CYP4F22: variants seen among roughly 807,000 people sequenced by gnomAD.
CYP4F22 encodes ultra-long-chain fatty acid omega-hydroxylase.
CYP4F22 carries 37 observed loss-of-function variants against 60.4 expected under a neutral mutation model. The ratio of observed to expected loss-of-function variants is 0.61; its 90% CI spans 0.47 to 0.81. CYP4F22 has a LOEUF of 0.81. Among genes scored for constraint, CYP4F22 ranks in the 30% least tolerant of loss-of-function variants. The probability of loss-of-function intolerance (pLI) is 0.00; values close to 1 mark genes in which losing one functional copy is unlikely to be tolerated. For missense variants in CYP4F22, 655 were observed against 715.0 expected, an observed-to-expected ratio of 0.92 and a Z score of 0.96; for synonymous variants, 258 against 280.5, an observed-to-expected ratio of 0.92 and a Z score of 0.80.
chr19:15,509,961 T>C (rs1053464130), intron 1 of CYP4F22, among the ~76,000 whole-genome samples: 1 of 125,324 alleles, frequency 8.0e-6, no homozygotes, highest in Admixed American at 8.8e-5. Flanking sequence ...TCTGTCTCTC[T>C]CTCTTTCTTT....
At chr19:15,550,622 C>G in intron 12 of CYP4F22, 52 bp from the exon 13 acceptor site, 1 of 1,593,130 alleles carries the variant, frequency 6.3e-7, no homozygotes, top group Non-Finnish European at 8.6e-7. Context: ...GGGGGCCAGG[C>G]TGGGATGTCT....
intron 1 of CYP4F22, chr19:15,515,280 A>C: frequency 1.0e-6 from 1 of 967,150 alleles, no homozygotes; most frequent in South Asian, 1.3e-5. Context: ...TTTTCAAAGC[A>C]GTTTTAATAT....
intron 11 of CYP4F22, among the ~76,000 whole-genome samples, chr19:15,548,612 T>G (rs558341328): frequency 6.6e-6 from 1 of 151,982 alleles, no homozygotes; most frequent in South Asian, 2.1e-4. Flanking sequence ...TACAGCAGGG[T>G]GCAGACATTC....
Position 15,549,173 on chromosome 19 carries a change from C to G in CYP4F22, c.1306C>G (p.His436Asp), listed in dbSNP as rs118203936. 3 of 1,614,024 alleles carry G rather than the reference C, an allele frequency of 1.9e-6. No individual in the cohort carries two copies. Among genetic ancestry groups the G allele is most frequent in the Admixed American group, 1.7e-5 (1 of 59,992 alleles). The change falls in exon 12 of 14, where the codon CAC (histidine) becomes GAC (aspartate). Residue 436 changes from histidine to aspartate, a missense_variant. By Grantham distance (81) the His-to-Asp change is moderately conservative. Coordinates refer to ENST00000269703, the MANE Select transcript of CYP4F22 (RefSeq NM_173483.4). ...ICLVSIYGTHHNPTVWPDSKV... is the reference protein window; with the variant it reads ...ICLVSIYGTHDNPTVWPDSKV... ...CTTGGTCAGCATCTATGGAACCCAC[C>G]ACAACCCCACAGTGTGGCCTGACTC... is the stretch of plus-strand genomic sequence containing the variant.
chr19:15,516,777 C>T (rs878869761), intron 1 of CYP4F22: 1 of 580,618 alleles, frequency 1.7e-6, no homozygotes, highest in East Asian at 4.5e-5. Flanking sequence ...AGATAGTCCA[C>T]TTGCTCAGAG....
chr19:15,518,186 A>T (rs751518293), intron 1 of CYP4F22, among the ~76,000 whole-genome samples: 37 of 152,154 alleles, frequency 2.4e-4, no homozygotes, highest in Admixed American at 6.6e-4. Context: ...AGAATTTAAA[A>T]ATTAGCTGGG....
At chr19:15,546,581 C>A (rs569760047) in intron 10 of CYP4F22, among the ~76,000 whole-genome samples, 69 of 151,642 alleles carry the variant, frequency 4.6e-4, no homozygotes, top group South Asian at 1.0e-3. Flanking sequence ...AAGACGCCAT[C>A]AAAAAAGAAA....
intron 1 of CYP4F22, among the ~76,000 whole-genome samples, chr19:15,509,916 TCC>T (rs1971068061): frequency 1.4e-5 from 2 of 139,506 alleles, no homozygotes; most frequent in East Asian, 4.5e-4. Context: ...TTTCTTTCTT[TCC>T]TTCCTTCTTT....
chr19:15,552,089 A>AAGCCCCTTCCTTCCTCCCTTGCC lies in CYP4F22; in HGVS notation c.*619_*641dup, dbSNP rs1275811794. Reference sequence around the variant, plus strand: ...TTGTTTTGTAAACTCAGACCCTTGTAAGCCCCTTCCTTCCTCCCTTGCCCA... The same window carrying AAGCCCCTTCCTTCCTCCCTTGCC: ...TTGTTTTGTAAACTCAGACCCTTGTAAGCCCCTTCCTTCCTCCCTTGCCAGCCCCTTCCTTCCTCCCTTGCCCA... On this transcript the variant is annotated 3_prime_UTR_variant, in exon 14 of 14. Transcript: ENST00000269703. 2.0e-5 allele frequency: 3 copies of AAGCCCCTTCCTTCCTCCCTTGCC among 152,660 alleles called. No homozygotes were observed. Among genetic ancestry groups the AAGCCCCTTCCTTCCTCCCTTGCC allele is most frequent in the Non-Finnish European group, 2.9e-5 (2 of 68,426 alleles). 9.5% of individuals were successfully genotyped at this position (152,660 alleles called of 1,614,324 possible).
intron 2 of CYP4F22, 113 bp from the exon 3 acceptor site, chr19:15,525,223 T>C (rs1437462927): frequency 3.1e-6 from 3 of 983,340 alleles, no homozygotes; most frequent in Non-Finnish European, 4.7e-6. Flanking sequence ...GTATCCTTGG[T>C]GTCTGGAACT....
chr19:15,529,139 T>TTTA (rs1971314446), intron 3 of CYP4F22, among the ~76,000 whole-genome samples: 3 of 151,466 alleles, frequency 2.0e-5, no homozygotes, highest in African/African-American at 7.3e-5. Flanking sequence ...TTTTATTTTT[T>TTTA]TTTTTTGAGG....
In CYP4F22 at chr19:15,509,854, CTCCTTCCTTCCT is replaced by C. The variant is rs201064190; in HGVS notation, c.-109+1313_-109+1324del. On this transcript the variant is annotated intron_variant, in intron 1 of 13. Transcript: ENST00000269703. ...GGCATTCAGGGAATGGGACCCATCT[CTCCTTCCTTCCT>C]TCCTTCCTTCCTTCCTTCCTTCCTT... 6.4e-3 allele frequency among the ~76,000 whole-genome samples: 701 copies of C among 110,070 alleles called. 16 individuals carry two copies. The highest frequency in any genetic ancestry group is 0.021 in the African/African-American group (617 of 29,684). 72.2% of individuals were successfully genotyped at this position (110,070 alleles called of 152,430 possible).
chr19:15,535,603 A>G (rs552328349), intron 4 of CYP4F22, among the ~76,000 whole-genome samples: 2 of 151,740 alleles, frequency 1.3e-5, no homozygotes, highest in Admixed American at 1.3e-4. Context: ...CCTTCCACCT[A>G]TCCACTCATT....
intron 4 of CYP4F22, among the ~76,000 whole-genome samples, chr19:15,531,923 A>G (rs1041698920): frequency 2.6e-5 from 4 of 152,014 alleles, no homozygotes; most frequent in Admixed American, 2.6e-4. Flanking sequence ...TGGGCAACAG[A>G]GCAAGACTCT....
intron 1 of CYP4F22, among the ~76,000 whole-genome samples, chr19:15,508,809 G>A (rs1010009725): frequency 1.3e-5 from 2 of 151,996 alleles, no homozygotes; most frequent in African/African-American, 4.8e-5. Context: ...GACGTTTGCT[G>A]CATTTGTGAG....
At position 15,540,649 on chromosome 19, in the gene CYP4F22, G is replaced by A. The variant is rs1247392687; in HGVS notation, c.871G>A (p.Ala291Thr). Residue 291 changes from alanine to threonine, a missense_variant, in exon 8 of 14, where the codon GCC (alanine) becomes ACC (threonine). Physicochemically the swap from Ala to Thr is moderately conservative, Grantham distance 58. This residue lies in a region of CYP4F22 where 430 missense variants were observed against 457.1 expected (regional missense o/e 0.94). Coordinates refer to ENST00000269703, the MANE Select transcript of CYP4F22 (RefSeq NM_173483.4). ...GCGGCGGGCACTGCGTCAGCAGGGG[G>A]CCGAGGCCTGGCTTAAGGCCAAGCA... ...ERRRALRQQG[A>T]EAWLKAKQGK... is the part of the protein sequence containing the mutation. The A allele has an allele frequency of 1.9e-6, 3 of 1,614,234 alleles. No individual in the cohort carries two copies. The highest frequency in any genetic ancestry group is 2.7e-5 in the African/African-American group (2 of 75,078).
chr19:15,540,838 G>T (rs945967722), intron 8 of CYP4F22, 121 bp downstream of exon 8: 6 of 1,258,162 alleles, frequency 4.8e-6, no homozygotes, highest in Non-Finnish European at 6.7e-6. Flanking sequence ...TAATCCCAGC[G>T]CTTTGGGAGG....
chr19:15,546,341 T>C (rs1266176125), intron 10 of CYP4F22, among the ~76,000 whole-genome samples: 3 of 152,144 alleles, frequency 2.0e-5, no homozygotes, highest in African/African-American at 7.2e-5. Context: ...CCCAGCACTT[T>C]GGGAGGCTAA....
chr19:15,547,986 AGAGAGAGAGGGAGAGAGTGTGTGTGT>A, intron 10 of CYP4F22, 96 bp from the exon 11 acceptor site: 10 of 721,112 alleles, frequency 1.4e-5, no homozygotes, highest in South Asian at 3.7e-5. Context: ...AGAGAGAGAG[AGAGAGAGAGGGAGAGAGTGTGTGTGT>A]GTGTGTGTGT....
Sources: gnomAD v4.1 joint callset for allele counts (sites outside exome capture counted in the v4.1 genomes callset) on GRCh38, gnomAD v4.1.1 for gene constraint, gnomAD v4.1.1 regional missense constraint, MANE v1.5 for transcripts, NCBI Gene and HGNC (gene_info 2026-07-23, HGNC 2026-07-21) for gene names.